Variants in MINDY2 observed in about 807,000 individuals in gnomAD.
MINDY2 encodes MINDY lysine 48 deubiquitinase 2.
A neutral mutation model predicts 68.2 loss-of-function variants in MINDY2; 52 were observed. That is an observed-to-expected ratio of 0.76 (90% CI 0.61 to 0.96). The LOEUF is 0.96. Ranked by LOEUF, MINDY2 falls within the 40% of genes least tolerant of loss-of-function variation. The probability of loss-of-function intolerance (pLI) is 0.00; values close to 1 mark genes in which losing one functional copy is unlikely to be tolerated. For synonymous variants in MINDY2, 372 were observed against 303.0 expected (o/e 1.23, Z -2.36); for missense variants, 881 against 773.4 (o/e 1.14, Z -1.65).
intron 3 of MINDY2, 120 bp from the exon 4 acceptor site, chr15:58,810,110 G>A (rs2030126945): frequency 2.2e-6 from 2 of 916,778 alleles, no homozygotes; most frequent in South Asian, 1.7e-5. Flanking sequence ...ATAAAAATAT[G>A]TTGAATTGAA....
At chr15:58,815,881 T>C (rs1332398645) in intron 4 of MINDY2, among the ~76,000 whole-genome samples, 2 of 152,022 alleles carry the variant, frequency 1.3e-5, no homozygotes, top group East Asian at 3.9e-4. Flanking sequence ...GGCTTCATCA[T>C]GTTGGTCAGG....
chr15:58,788,826 A>C (rs1323591692), intron 2 of MINDY2, among the ~76,000 whole-genome samples: 2 of 150,710 alleles, frequency 1.3e-5, no homozygotes, highest in East Asian at 4.0e-4. Flanking sequence ...CCTGGCCAAC[A>C]TGGTGAAACC....
intron 2 of MINDY2, among the ~76,000 whole-genome samples, chr15:58,801,268 C>G (rs758057812): frequency 6.6e-6 from 1 of 151,392 alleles, no homozygotes; most frequent in Non-Finnish European, 1.5e-5. Context: ...GCCATCATGC[C>G]CAGCCCAGTT....
chr15:58,774,139 C>G (rs1453282591), intron 1 of MINDY2, among the ~76,000 whole-genome samples: 1 of 152,186 alleles, frequency 6.6e-6, no homozygotes, highest in Non-Finnish European at 1.5e-5. Flanking sequence ...CAGACAGATT[C>G]AAGTGAATGA....
At chr15:58,772,289 G>T (rs1186861498) in intron 1 of MINDY2, 54 bp downstream of exon 1, 12 of 1,597,536 alleles carry the variant, frequency 7.5e-6, no homozygotes, top group African/African-American at 1.3e-5. Flanking sequence ...GGAAAACGGG[G>T]TGAGGGAGCT....
intron 2 of MINDY2, among the ~76,000 whole-genome samples, 192 bp from the exon 3 acceptor site, chr15:58,802,121 A>G (rs1174547066): frequency 1.3e-5 from 2 of 152,200 alleles, no homozygotes; most frequent in Non-Finnish European, 2.9e-5. Context: ...ACTATAGTAT[A>G]TACATTGAAA....
In MINDY2 at chr15:58,854,914, CTCATA is replaced by C. The variant is rs1290628104; in HGVS notation, c.*308_*312del. ...TTTTGTGTCATAGTGACATTCATAA[CTCATA>C]TCAGTTAGTAAGCTATTATATCTTC... On this transcript the variant is annotated 3_prime_UTR_variant, in exon 9 of 9. Coordinates refer to ENST00000559228, the MANE Select transcript of MINDY2 (RefSeq NM_001040450.3). The C allele has an allele frequency of 4.0e-5, 8 of 198,808 alleles. No homozygotes were observed. Among genetic ancestry groups the C allele is most frequent in the Non-Finnish European group, 8.3e-5 (8 of 95,900 alleles). 12.3% of individuals were successfully genotyped at this position (198,808 alleles called of 1,614,324 possible).
chr15:58,840,126 T>G (rs970143322), intron 6 of MINDY2, among the ~76,000 whole-genome samples: 1 of 152,112 alleles, frequency 6.6e-6, no homozygotes, highest in Non-Finnish European at 1.5e-5. Context: ...GAGCCACGCG[T>G]TTGGCCTCGA....
intron 6 of MINDY2, among the ~76,000 whole-genome samples, chr15:58,834,203 G>T (rs1273821370): frequency 6.6e-6 from 1 of 152,112 alleles, no homozygotes; most frequent in Non-Finnish European, 1.5e-5. Context: ...CAAGGCAGAA[G>T]AATTTTTCTT....
intron 7 of MINDY2, among the ~76,000 whole-genome samples, chr15:58,850,173 C>T (rs1317623685): frequency 6.6e-6 from 1 of 152,086 alleles, no homozygotes; most frequent in Non-Finnish European, 1.5e-5. Context: ...TAAGTTAATG[C>T]TTGACCAAAA....
At position 58,828,575 on chromosome 15, in the gene MINDY2, C is replaced by CTT. The variant is rs1163905877; in HGVS notation, c.1226-3178_1226-3177dup. ...AATGAACTAATTTATTATTGAATTT[C>CTT]TTTTTTTTTTTTTTTTTTTTTTGTC... On this transcript the variant is annotated intron_variant, in intron 5 of 8. Transcript: ENST00000559228. Among the ~76,000 whole-genome samples the CTT allele has an allele frequency of 7.2e-3, 765 of 106,120 alleles. 12 individuals carry two copies. Among genetic ancestry groups the CTT allele is most frequent in the East Asian group, 0.025 (94 of 3,696 alleles). The allele number at this position is 106,120 out of a possible 152,430, so 69.6% of individuals were successfully genotyped here. A position where few individuals can be genotyped will look rare whatever the true frequency, so the allele number is the denominator to read the frequency against.
intron 1 of MINDY2, among the ~76,000 whole-genome samples, chr15:58,773,284 TAAAAG>T (rs1185775883): frequency 6.6e-6 from 1 of 151,962 alleles, no homozygotes; most frequent in Non-Finnish European, 1.5e-5. Context: ...GACCCTATAT[TAAAAG>T]AAAAAGAAAA....
At chr15:58,848,810 A>G (rs1370130874) in intron 7 of MINDY2, among the ~76,000 whole-genome samples, 1 of 152,228 alleles carries the variant, frequency 6.6e-6, no homozygotes, top group Non-Finnish European at 1.5e-5. Flanking sequence ...TCTTTGAAAA[A>G]CAGTTCTGAA....
intron 6 of MINDY2, among the ~76,000 whole-genome samples, chr15:58,835,835 A>C (rs2031967777): frequency 6.6e-6 from 1 of 152,136 alleles, no homozygotes; most frequent in East Asian, 1.9e-4. Flanking sequence ...GAAACATAGC[A>C]AGTAAAAGGA....
Position 58,856,273 on chromosome 15 carries a change from G to A in MINDY2, c.*1663G>A, listed in dbSNP as rs1210184315. 1 of 152,464 alleles carries A rather than the reference G, an allele frequency of 6.6e-6. No individual in the cohort carries two copies. Among genetic ancestry groups the A allele is most frequent in the Non-Finnish European group, 1.5e-5 (1 of 68,004 alleles). The allele number at this position is 152,464 out of a possible 1,614,324, so 9.4% of individuals were successfully genotyped here. ...TCCACTTGGAGAGTGTTTTTTTTGT[G>A]TGTGGTCTGGGGTGACAAAAGACCA... On this transcript the variant is annotated 3_prime_UTR_variant, in exon 9 of 9. Transcript: ENST00000559228.
intron 6 of MINDY2, among the ~76,000 whole-genome samples, chr15:58,836,448 C>T (rs1312604524): frequency 6.6e-6 from 1 of 151,978 alleles, no homozygotes; most frequent in Non-Finnish European, 1.5e-5. Flanking sequence ...TTGATATGAT[C>T]CAAATCTTGT....
At chr15:58,833,844 C>G (rs1192275812) in intron 6 of MINDY2, among the ~76,000 whole-genome samples, 6 of 151,988 alleles carry the variant, frequency 3.9e-5, no homozygotes, top group Non-Finnish European at 7.4e-5. Context: ...GGCGTTCCTT[C>G]CTCTTTTACT....
intron 6 of MINDY2, among the ~76,000 whole-genome samples, chr15:58,832,131 A>C (rs1595762222): frequency 6.6e-6 from 1 of 151,762 alleles, no homozygotes; most frequent in South Asian, 2.1e-4. Context: ...TTAATTCTCA[A>C]CTTCTTTTTC....
intron 5 of MINDY2, among the ~76,000 whole-genome samples, chr15:58,831,303 T>C (rs1442459529): frequency 6.6e-6 from 1 of 152,146 alleles, no homozygotes; most frequent in Non-Finnish European, 1.5e-5. Flanking sequence ...AAGAATTATC[T>C]AGGATTTTTG....
Sources: allele counts gnomAD v4.1 joint callset (sites outside exome capture counted in the v4.1 genomes callset), GRCh38; gene constraint gnomAD v4.1.1; transcripts MANE v1.5; gene names NCBI Gene and HGNC (gene_info 2026-07-23, HGNC 2026-07-21).